BRINP3: variants seen among roughly 807,000 people sequenced by gnomAD.
The protein encoded by BRINP3 is BMP/retinoic acid inducible neural specific 3.
In BRINP3, 19 loss-of-function variants were observed where a neutral mutation model predicts 71.0. That is an observed-to-expected ratio of 0.27 (90% CI 0.19 to 0.39). BRINP3 has a LOEUF of 0.39. Ranked by LOEUF, BRINP3 falls within the 10% of genes least tolerant of loss-of-function variation. BRINP3 has a pLI of 1.00. For synonymous variants in BRINP3, 380 were observed against 337.7 expected (o/e 1.13, Z -1.37); for missense variants, 959 against 940.8 (o/e 1.02, Z -0.25).
intron 6 of BRINP3, among the ~76,000 whole-genome samples, chr1:190,199,786 A>AAAC (rs1654836850): frequency 7.0e-6 from 1 of 143,656 alleles, no homozygotes; most frequent in African/African-American, 2.6e-5. Context: ...AAAAAAAAAC[A>AAAC]AAAACAAAAA....
intron 7 of BRINP3, among the ~76,000 whole-genome samples, chr1:190,135,976 T>G (rs1006217625): frequency 6.6e-6 from 1 of 152,048 alleles, no homozygotes; most frequent in African/African-American, 2.4e-5. Context: ...TATCTTACCA[T>G]GAAATGTACT....
chr1:190,281,856 G>T, intron 2 of BRINP3, 106 bp from the exon 3 acceptor site: 3 of 975,142 alleles, frequency 3.1e-6, no homozygotes, highest in Non-Finnish European at 4.5e-6. Context: ...TCTCTTGCTT[G>T]TAATACTAGG....
chr1:190,300,093 G>A (rs1006341567), intron 2 of BRINP3, among the ~76,000 whole-genome samples: 55 of 151,922 alleles, frequency 3.6e-4, no homozygotes, highest in African/African-American at 1.3e-3. Flanking sequence ...CTGAATGTTG[G>A]CCTGCCTTGC....
chr1:190,430,795 C>T (rs1674045367), intron 2 of BRINP3, among the ~76,000 whole-genome samples: 1 of 152,086 alleles, frequency 6.6e-6, no homozygotes. Context: ...CATAATTTAG[C>T]TTTATGAAGC....
At chr1:190,255,115 G>A (rs1660537528) in intron 4 of BRINP3, among the ~76,000 whole-genome samples, 1 of 152,008 alleles carries the variant, frequency 6.6e-6, no homozygotes, top group Non-Finnish European at 1.5e-5. Context: ...TGCATCCCAG[G>A]GTGAAGCTGA....
At chr1:190,301,198 CACATACATATATATAT>C (rs1664683611) in intron 2 of BRINP3, among the ~76,000 whole-genome samples, 1 of 26,716 alleles carries the variant, frequency 3.7e-5, no homozygotes, top group Non-Finnish European at 9.9e-5. Context: ...TATATATATA[CACATACATATATATAT>C]ATATATATAT....
intron 7 of BRINP3, among the ~76,000 whole-genome samples, chr1:190,138,014 G>A (rs1312385611): frequency 6.6e-6 from 1 of 151,884 alleles, no homozygotes; most frequent in Non-Finnish European, 1.5e-5. Context: ...GAGTACAATG[G>A]CATGAGCTCG....
intron 6 of BRINP3, among the ~76,000 whole-genome samples, chr1:190,162,920 G>A (rs1451989510): frequency 1.3e-5 from 2 of 151,926 alleles, no homozygotes; most frequent in Admixed American, 1.3e-4. Flanking sequence ...CACCTGTTGT[G>A]CACAGTACAT....
At chr1:190,199,112 C>T (rs1416147198) in intron 6 of BRINP3, among the ~76,000 whole-genome samples, 1 of 152,100 alleles carries the variant, frequency 6.6e-6, no homozygotes, top group Non-Finnish European at 1.5e-5. Context: ...AGGGGAACTC[C>T]CCTTTGTGAA....
intron 3 of BRINP3, among the ~76,000 whole-genome samples, chr1:190,277,584 A>C (rs1662694851): frequency 6.6e-6 from 1 of 151,770 alleles, no homozygotes; most frequent in African/African-American, 2.4e-5. Context: ...GCATTATAGT[A>C]AACTCTCTTT....
intron 6 of BRINP3, among the ~76,000 whole-genome samples, chr1:190,219,237 A>T (rs1656668314): frequency 6.6e-6 from 1 of 152,040 alleles, no homozygotes; most frequent in Non-Finnish European, 1.5e-5. Flanking sequence ...GGAAACCATG[A>T]CCTCCTCAAA....
At chr1:190,437,130 T>C (rs952474680) in intron 2 of BRINP3, among the ~76,000 whole-genome samples, 1 of 151,726 alleles carries the variant, frequency 6.6e-6, no homozygotes, top group Non-Finnish European at 1.5e-5. Context: ...AAAAAGTAAA[T>C]GACTTCAATG....
At chr1:190,218,323 T>C (rs1237361225) in intron 6 of BRINP3, among the ~76,000 whole-genome samples, 1 of 152,086 alleles carries the variant, frequency 6.6e-6, no homozygotes, top group East Asian at 1.9e-4. Context: ...CTTCTTTTGT[T>C]CAATGTGATA....
intron 2 of BRINP3, among the ~76,000 whole-genome samples, chr1:190,428,460 G>GA (rs1572023190): frequency 6.6e-6 from 1 of 151,224 alleles, no homozygotes; most frequent in African/African-American, 2.4e-5. Context: ...TTTTTCTAAT[G>GA]AAAAAAAGTA....
intron 7 of BRINP3, among the ~76,000 whole-genome samples, chr1:190,102,725 T>TC (rs1651806176): frequency 6.6e-6 from 1 of 151,904 alleles, no homozygotes; most frequent in African/African-American, 2.4e-5. Flanking sequence ...AATGCAAACT[T>TC]TAAAAAAGCA....
intron 2 of BRINP3, among the ~76,000 whole-genome samples, chr1:190,312,690 CTTAAA>C (rs1311501305): frequency 6.6e-6 from 1 of 151,738 alleles, no homozygotes; most frequent in African/African-American, 2.4e-5. Flanking sequence ...GATAAAATTT[CTTAAA>C]TTAAAGTTCC....
intron 2 of BRINP3, among the ~76,000 whole-genome samples, chr1:190,450,266 GGTAA>G (rs1418448304): frequency 6.6e-6 from 1 of 152,068 alleles, no homozygotes; most frequent in African/African-American, 2.4e-5. Flanking sequence ...CTGTATTTAG[GGTAA>G]GTGCCACCTT....
At chr1:190,439,371 C>T (rs1674669297) in intron 2 of BRINP3, among the ~76,000 whole-genome samples, 1 of 151,772 alleles carries the variant, frequency 6.6e-6, no homozygotes. Context: ...GTTTGAATCT[C>T]CAGTTTTAAT....
chr1:190,163,756 G>A (rs975987098), intron 6 of BRINP3, among the ~76,000 whole-genome samples: 5 of 152,044 alleles, frequency 3.3e-5, no homozygotes, highest in African/African-American at 1.2e-4. Flanking sequence ...TAAAAATTGA[G>A]TAATTTTGAA....
Sources: allele counts gnomAD v4.1 joint callset (sites outside exome capture counted in the v4.1 genomes callset), GRCh38; gene constraint gnomAD v4.1.1; transcripts MANE v1.5; gene names NCBI Gene and HGNC (gene_info 2026-07-23, HGNC 2026-07-21).